Variants in TRIM14 observed in about 807,000 individuals in gnomAD.
TRIM14 encodes tripartite motif containing 14, also known as tripartite motif-containing protein 14.
In TRIM14, 28 loss-of-function variants were observed where a neutral mutation model predicts 44.5. That is an observed-to-expected ratio of 0.63 (90% confidence interval 0.47 to 0.86). The LOEUF (loss-of-function observed/expected upper bound fraction) is 0.86, where lower values mean the gene tolerates loss of function less well. Among genes scored for constraint, TRIM14 ranks in the 40% least tolerant of loss-of-function variants. The pLI is 0.00. For missense variants in TRIM14, 607 were observed against 611.1 expected (o/e 0.99, Z 0.07); for synonymous variants, 299 against 269.2 (o/e 1.11, Z -1.08).
intron 1 of TRIM14, among the ~76,000 whole-genome samples, chr9:98,116,886 A>G (rs1021789992): frequency 4.6e-5 from 7 of 152,036 alleles, no homozygotes. Flanking sequence ...ATTCCTTATG[A>G]AAGTTCCAAT....
In TRIM14 at chr9:98,094,114, A is replaced by G. The variant is rs181761146; in HGVS notation, c.700+753T>C. 2.6e-5 allele frequency among the ~76,000 whole-genome samples: 4 copies of G among 152,320 alleles called. No homozygotes were observed. In the East Asian group the frequency reaches 7.7e-4, roughly 29 times the overall value. ...GTTTGTGTACGGTCTGTCTTCCCCTACGAAGACTGTGAGCACCAAAAGAGG... is the reference window on the plus strand; with the variant it reads ...GTTTGTGTACGGTCTGTCTTCCCCTGCGAAGACTGTGAGCACCAAAAGAGG... On this transcript the variant is annotated intron_variant, in intron 4 of 5. Transcript: ENST00000341469.
At chr9:98,107,292 AAC>A (rs1826651874) in intron 2 of TRIM14, among the ~76,000 whole-genome samples, 1 of 152,234 alleles carries the variant, frequency 6.6e-6, no homozygotes, top group Non-Finnish European at 1.5e-5. Flanking sequence ...CTGGGCATCT[AAC>A]ACAGATAAAT....
At chr9:98,113,113 C>CAAAAAAA (rs57908629) in intron 1 of TRIM14, among the ~76,000 whole-genome samples, 2 of 39,254 alleles carry the variant, frequency 5.1e-5, no homozygotes, top group Non-Finnish European at 1.2e-4. Context: ...AACTCCATCT[C>CAAAAAAA]AAAAAAAAAA....
chr9:98,053,764 G>C, the TRIM14 span, among the ~76,000 whole-genome samples: 6 of 151,328 alleles, frequency 4.0e-5, no homozygotes, highest in Non-Finnish European at 8.8e-5. Flanking sequence ...TTTGATAACT[G>C]TTCACTATGC....
chr9:98,038,521 T>A, the TRIM14 span, among the ~76,000 whole-genome samples: 1 of 152,228 alleles, frequency 6.6e-6, no homozygotes, highest in Non-Finnish European at 1.5e-5. Context: ...AGTACTACGT[T>A]ACTTTACTGA....
In TRIM14 at chr9:98,086,711, A is replaced by T. The variant is rs193286080; in HGVS notation, c.*759T>A. ...AGGTGTGGAGGTGGAACTATGCGAC[A>T]CATTTCTGACTGGAGAGTCTCTAAG... On this transcript the variant is annotated 3_prime_UTR_variant, in exon 6 of 6. Transcript: ENST00000341469. 2.4e-4 allele frequency: 37 copies of T among 152,450 alleles called. 1 individual carries two copies. The highest frequency in any genetic ancestry group is 8.2e-4 in the African/African-American group (34 of 41,552). 9.4% of individuals were successfully genotyped at this position (152,450 alleles called of 1,614,324 possible).
At position 98,100,021 on chromosome 9, in the gene TRIM14, G is replaced by T. The variant is rs766636819; in HGVS notation, c.447C>A (p.Asp149Glu). The change falls in exon 3 of 6, where the codon GAC (aspartate) becomes GAA (glutamate). Residue 149 changes from aspartate (D) to glutamate (E), a missense_variant. This residue lies in a region of TRIM14 where 246 missense variants were observed against 270.8 expected (regional missense o/e 0.91). Coordinates refer to ENST00000341469, the MANE Select transcript of TRIM14 (RefSeq NM_014788.4). ...LTLQVYREQADSCREQLDIMN... is the reference protein window; with the variant it reads ...LTLQVYREQAESCREQLDIMN... Reference sequence around the variant, plus strand: ...TGATGTCAAGTTGCTCTCTGCAAGAGTCAGCTTGTTCCCTGTACACCTGGA... The same window carrying T: ...TGATGTCAAGTTGCTCTCTGCAAGATTCAGCTTGTTCCCTGTACACCTGGA... The T allele has an allele frequency of 1.9e-6, 3 of 1,614,192 alleles. No homozygotes were observed. In the South Asian group the frequency reaches 3.3e-5, roughly 18 times the overall value.
At chr9:98,103,907 A>G (rs1404296095) in intron 2 of TRIM14, among the ~76,000 whole-genome samples, 1 of 151,992 alleles carries the variant, frequency 6.6e-6, no homozygotes, top group African/African-American at 2.4e-5. Flanking sequence ...CACAGTCCAC[A>G]TAGCAGAATG....
the TRIM14 span, among the ~76,000 whole-genome samples, chr9:98,055,366 A>C: frequency 1.3e-5 from 2 of 152,176 alleles, no homozygotes; most frequent in African/African-American, 4.8e-5. Context: ...AAGAGAGGCC[A>C]GTATGCCAGG....
chr9:98,102,403 C>T (rs903464213), intron 2 of TRIM14, among the ~76,000 whole-genome samples: 4 of 152,160 alleles, frequency 2.6e-5, no homozygotes, highest in African/African-American at 9.7e-5. Flanking sequence ...CAGTTGTTAA[C>T]CATGACATAT....
chr9:98,098,596 C>T (rs1242595346), intron 3 of TRIM14, among the ~76,000 whole-genome samples: 1 of 151,990 alleles, frequency 6.6e-6, no homozygotes. Context: ...CCTGTAGTCC[C>T]AGCTACTCGG....
At chr9:98,069,518 C>G (rs183572826) in exon 7 of TRIM14, 1 of 152,244 alleles carries the variant, frequency 6.6e-6, no homozygotes, top group Non-Finnish European at 1.5e-5. Context: ...GTGATCCACC[C>G]ACATCGGCCT....
chr9:98,069,872 TAA>T (rs2131634267), intron 6 of TRIM14, among the ~76,000 whole-genome samples: 1 of 152,232 alleles, frequency 6.6e-6, no homozygotes, highest in African/African-American at 2.4e-5. Context: ...AAATTGCATA[TAA>T]TTAAATATAG....
downstream of TRIM14, among the ~76,000 whole-genome samples, chr9:98,065,796 T>C (rs1446096238): frequency 2.0e-5 from 3 of 152,114 alleles, no homozygotes; most frequent in Non-Finnish European, 4.4e-5. Context: ...TCCCGTGCTA[T>C]TCTCATGATA....
the TRIM14 span, among the ~76,000 whole-genome samples, chr9:98,054,539 C>T: frequency 2.0e-5 from 3 of 152,294 alleles, no homozygotes; most frequent in South Asian, 6.2e-4. Context: ...GCAGACAATC[C>T]ATGATGGGGC....
chr9:98,050,901 G>A, the TRIM14 span, among the ~76,000 whole-genome samples: 4 of 152,158 alleles, frequency 2.6e-5, no homozygotes, highest in Admixed American at 1.3e-4. Flanking sequence ...AGCCTCCTGA[G>A]TAGCTGGGTT....
intron 4 of TRIM14, among the ~76,000 whole-genome samples, chr9:98,093,888 G>C (rs1826087451): frequency 6.6e-6 from 1 of 152,136 alleles, no homozygotes; most frequent in Non-Finnish European, 1.5e-5. Flanking sequence ...TGGGATTACA[G>C]GTGCATGCCA....
the TRIM14 span, among the ~76,000 whole-genome samples, chr9:98,060,361 A>G: frequency 6.6e-6 from 1 of 152,030 alleles, no homozygotes; most frequent in African/African-American, 2.4e-5. Flanking sequence ...CTGTCAGTCT[A>G]TGTTGTTTTT....
the TRIM14 span, among the ~76,000 whole-genome samples, chr9:98,063,557 T>C: frequency 6.6e-6 from 1 of 151,408 alleles, no homozygotes; most frequent in Middle Eastern, 3.4e-3. Context: ...TTTTTTGTTT[T>C]TTGAGATGGG....
Sources: gnomAD v4.1 joint callset for allele counts (sites outside exome capture counted in the v4.1 genomes callset) on GRCh38, gnomAD v4.1.1 for gene constraint, gnomAD v4.1.1 regional missense constraint, MANE v1.5 for transcripts, NCBI Gene and HGNC (gene_info 2026-07-23, HGNC 2026-07-21) for gene names.